MAPT: variants seen among roughly 807,000 people sequenced by gnomAD.
MAPT encodes microtubule associated protein tau.
In MAPT, 34 loss-of-function variants were observed where a neutral mutation model predicts 67.9. The ratio of observed to expected loss-of-function variants is 0.50; its 90% CI spans 0.38 to 0.67. The LOEUF (loss-of-function observed/expected upper bound fraction) is 0.67. MAPT is among the 30% of genes least tolerant of loss of function. MAPT has a pLI of 0.00. For missense variants in MAPT, 881 were observed against 1,115.2 expected (o/e 0.79, Z 2.99); for synonymous variants, 456 against 464.5 (o/e 0.98, Z 0.23).
chr17:45,996,766 C>T lies in MAPT; in HGVS notation c.1998+102C>T, dbSNP rs924941460. On this transcript the variant is annotated intron_variant, in intron 9 of 12. Coordinates refer to ENST00000262410, the MANE Select transcript of MAPT (RefSeq NM_001377265.1). This position sits in a 1 kb window ranked among gnomAD's most constrained non-coding sequence, Gnocchi z 4.5. ...CTGCGCCTGGAGGTGCGCGGTTGAG[C>T]GTGGAGTCGTGGGACTGTGCATGGA... The T allele has an allele frequency of 7.4e-6, 11 of 1,483,992 alleles. No individual in the cohort carries two copies. The Admixed American group carries it at 8.4e-5, about 11-fold the overall frequency. 91.9% of individuals were successfully genotyped at this position (1,483,992 alleles called of 1,614,324 possible).
rs76980614 is a variant in MAPT at position 46,017,440 on chromosome 17, A to ATTTTTTTTTTTTTTTTTTTTTT, written c.2174-1169_2174-1148dup. Among the ~76,000 whole-genome samples, 21 of 63,002 alleles carry ATTTTTTTTTTTTTTTTTTTTTT rather than the reference A, an allele frequency of 3.3e-4. 2 individuals carry two copies. The highest frequency in any genetic ancestry group is 7.1e-4 in the African/African-American group (9 of 12,644). 41.3% of individuals were successfully genotyped at this position (63,002 alleles called of 152,430 possible). A position where few individuals can be genotyped will look rare whatever the true frequency, so the allele number is the denominator to read the frequency against. On this transcript the variant is annotated intron_variant, in intron 11 of 12. Coordinates refer to ENST00000262410, the MANE Select transcript of MAPT (RefSeq NM_001377265.1). The stretch of plus-strand genomic sequence containing the variant: ...AGGCACATGCCAACATGCCTGGCTA[A>ATTTTTTTTTTTTTTTTTTTTTT]TTTTTTTTTTTTTTTTTTTTTTTTT...
intron 7 of MAPT, chr17:45,990,382 G>A: frequency 2.1e-6 from 1 of 473,406 alleles, no homozygotes; most frequent in Non-Finnish European, 3.9e-6. Context: ...AGGAGGCCGA[G>A]GAGGGTGGAT....
At chr17:45,961,575 C>G (rs1477552023) in intron 1 of MAPT, among the ~76,000 whole-genome samples, 1 of 152,190 alleles carries the variant, frequency 6.6e-6, no homozygotes, top group Non-Finnish European at 1.5e-5. Flanking sequence ...ACCATCTCTT[C>G]ACTTCTCCGT....
At chr17:45,992,687 G>A (rs957408719) in intron 8 of MAPT, among the ~76,000 whole-genome samples, 22 of 152,064 alleles carry the variant, frequency 1.4e-4, no homozygotes, top group African/African-American at 4.3e-4. Context: ...TCAGGAGTTC[G>A]AGACCAGCTT....
chr17:45,950,563 C>T (rs934220986), intron 1 of MAPT, among the ~76,000 whole-genome samples: 82 of 152,196 alleles, frequency 5.4e-4, no homozygotes, highest in African/African-American at 2.0e-3. Flanking sequence ...CCTGCACACA[C>T]ACCCTTCTCC....
chr17:45,946,615 A>AAAAAAAT, intron 1 of MAPT, among the ~76,000 whole-genome samples: 163 of 100,360 alleles, frequency 1.6e-3, no homozygotes, highest in African/African-American at 6.9e-3. Flanking sequence ...AAAAAAAAAA[A>AAAAAAAT]ATATATATAT....
At chr17:45,932,040 A>G (rs1024285165) in intron 1 of MAPT, 1 of 151,720 alleles carries the variant, frequency 6.6e-6, no homozygotes, top group Non-Finnish European at 1.5e-5. Flanking sequence ...GCAAGATTGC[A>G]CCACTGCACT....
chr17:45,994,162 T>C (rs2074291856), intron 8 of MAPT, among the ~76,000 whole-genome samples: 1 of 152,226 alleles, frequency 6.6e-6, no homozygotes, highest in Admixed American at 6.5e-5. Flanking sequence ...GTTTGTCTGA[T>C]GGGCTTTCTA....
At chr17:45,982,037 AGAAAGAAAGG>A (rs2073015845) in intron 4 of MAPT, among the ~76,000 whole-genome samples, 2 of 149,804 alleles carry the variant, frequency 1.3e-5, no homozygotes, top group Non-Finnish European at 3.0e-5. Flanking sequence ...AAAAAAAGAA[AGAAAGAAAGG>A]AAAAAAAAAA....
chr17:45,988,547 C>T (rs534000578), intron 6 of MAPT, among the ~76,000 whole-genome samples: 18 of 152,294 alleles, frequency 1.2e-4, no homozygotes, highest in South Asian at 4.1e-4. Context: ...TGCAGACACC[C>T]GTCCCTGGCT....
At chr17:45,933,188 T>C (rs1360992651) in intron 1 of MAPT, among the ~76,000 whole-genome samples, 1 of 151,700 alleles carries the variant, frequency 6.6e-6, no homozygotes, top group African/African-American at 2.4e-5. Context: ...ATGATGCTAA[T>C]GAAAAGCAGA....
chr17:46,019,562 T>C (rs2076393023), intron 12 of MAPT, among the ~76,000 whole-genome samples: 2 of 151,614 alleles, frequency 1.3e-5, no homozygotes, highest in South Asian at 4.2e-4. Context: ...GGAGACGAGG[T>C]TTTGCCACGT....
chr17:45,986,989 T>C (rs1298053594), intron 5 of MAPT, 51 bp from the exon 6 acceptor site: 1 of 1,534,216 alleles, frequency 6.5e-7, no homozygotes, highest in Admixed American at 1.7e-5. Flanking sequence ...TGGCTTTCTG[T>C]GAACAGTGAA....
At chr17:46,007,859 T>C (rs1337830421) in intron 9 of MAPT, among the ~76,000 whole-genome samples, 1 of 152,170 alleles carries the variant, frequency 6.6e-6, no homozygotes, top group Non-Finnish European at 1.5e-5. Flanking sequence ...ACCCATCATA[T>C]GGAAAAAGCT....
chr17:45,958,713 C>T lies in MAPT; in HGVS notation c.-17-3608C>T, dbSNP rs555869786. Among the ~76,000 whole-genome samples, 3 of 146,116 alleles carry T rather than the reference C, an allele frequency of 2.1e-5. No homozygotes were observed. In the East Asian group the frequency reaches 5.9e-4, roughly 29 times the overall value. ...TCCAGCTGGAGCAACAGAGTGAGACCCTGACTTAAAAGAAAAAAAAAAAAA... is the reference window on the plus strand; with the variant it reads ...TCCAGCTGGAGCAACAGAGTGAGACTCTGACTTAAAAGAAAAAAAAAAAAA... On this transcript the variant is annotated intron_variant, in intron 1 of 12. Transcript: ENST00000262410.
chr17:46,018,715 C>A lies in MAPT; in HGVS notation c.2271C>A (p.Gly757=). 4 of 1,613,380 alleles carry A rather than the reference C, an allele frequency of 2.5e-6. No individual in the cohort carries two copies. Among genetic ancestry groups the A allele is most frequent in the Non-Finnish European group, 3.4e-6 (4 of 1,179,326 alleles). The change falls in exon 12 of 13, where the codon GGC becomes GGA. Residue 757 remains glycine (G), a synonymous_variant. Transcript: ENST00000262410. ...TGGACAATATCACCCACGTCCCTGGCGGAGGAAATAAAAAGGTAAAGGGGG... is the reference window on the plus strand; with the variant it reads ...TGGACAATATCACCCACGTCCCTGGAGGAGGAAATAAAAAGGTAAAGGGGG... ...GSLDNITHVP[G]GGNKKIETHK...
chr17:45,899,318 T>C (rs9303523), intron 1 of MAPT, among the ~76,000 whole-genome samples: 42,968 of 152,110 alleles, frequency 0.28, 6,520 homozygotes, highest in Middle Eastern at 0.36. Context: ...TATGACCCAG[T>C]CCCAATGTCA....
intron 1 of MAPT, among the ~76,000 whole-genome samples, chr17:45,938,443 G>A (rs1297923263): frequency 6.6e-6 from 1 of 152,114 alleles, no homozygotes; most frequent in Non-Finnish European, 1.5e-5. Flanking sequence ...CACATGTCAG[G>A]ACCCTCATGA....
chr17:45,930,535 C>T (rs187469318), intron 1 of MAPT, among the ~76,000 whole-genome samples: 1 of 152,250 alleles, frequency 6.6e-6, no homozygotes, highest in Admixed American at 6.5e-5. Flanking sequence ...ATTATATCCT[C>T]ACATTACAAA....
Sources: allele counts gnomAD v4.1 joint callset (sites outside exome capture counted in the v4.1 genomes callset), GRCh38; gene constraint gnomAD v4.1.1; non-coding constraint Gnocchi (gnomAD v3.1); transcripts MANE v1.5; gene names NCBI Gene and HGNC (gene_info 2026-07-23, HGNC 2026-07-21).